Variants in HTR7 observed in about 807,000 individuals in gnomAD.
HTR7 encodes 5-hydroxytryptamine receptor 7.
In HTR7, 16 loss-of-function variants were observed where a neutral mutation model predicts 34.0. The observed-to-expected ratio is 0.47, with a 90% CI of 0.32 to 0.71. The LOEUF is 0.71. HTR7 is among the 30% of genes least tolerant of loss of function. The pLI is 0.04. For missense variants in HTR7, 504 were observed against 625.5 expected, an observed-to-expected ratio of 0.81 and a Z score of 2.07; for synonymous variants, 265 against 260.2, an observed-to-expected ratio of 1.02 and a Z score of -0.18.
At chr10:90,821,959 G>A (rs1252382840) in intron 1 of HTR7, among the ~76,000 whole-genome samples, 1 of 152,150 alleles carries the variant, frequency 6.6e-6, no homozygotes, top group African/African-American at 2.4e-5. Context: ...CTCCTGTACA[G>A]CCTTTGGAAC....
intron 1 of HTR7, among the ~76,000 whole-genome samples, chr10:90,788,366 G>C (rs1244518348): frequency 6.6e-6 from 1 of 152,104 alleles, no homozygotes; most frequent in African/African-American, 2.4e-5. Context: ...AGCTCTTCTG[G>C]AAAATCCATG....
At chr10:90,836,409 C>T (rs537453891) in intron 1 of HTR7, among the ~76,000 whole-genome samples, 4 of 152,218 alleles carry the variant, frequency 2.6e-5, no homozygotes, top group Non-Finnish European at 2.9e-5. Context: ...AGGTCAGTAT[C>T]GAACAATATT....
chr10:90,857,662 C>A lies in HTR7; in HGVS notation c.10G>T (p.Val4Phe). MMD[V>F]NSSGRPDLYG... is the part of the protein sequence containing the mutation. The stretch of plus-strand genomic sequence containing the variant: ...AGGTCCGGGCGGCCGCTGCTGTTAA[C>A]GTCCATCATCGCGCCGCCGTGTGCC... Residue 4 changes from valine to phenylalanine, a missense_variant, in exon 1 of 4, where the codon GTT (valine) becomes TTT (phenylalanine). By Grantham distance (50) the Val-to-Phe change is conservative. Transcript: ENST00000336152. The surrounding 1 kb of genome is among the most constrained non-coding windows in gnomAD (Gnocchi z 6.5). 2 of 1,573,174 alleles carry A rather than the reference C, an allele frequency of 1.3e-6. No individual in the cohort carries two copies. Among genetic ancestry groups the A allele is most frequent in the Non-Finnish European group, 1.7e-6 (2 of 1,167,484 alleles).
rs117415998 is a variant in HTR7, at chr10:90,782,377, A to G, written c.540-32783T>C. 3.6e-3 allele frequency among the ~76,000 whole-genome samples: 553 copies of G among 152,326 alleles called. 7 individuals carry two copies. The highest frequency in any genetic ancestry group is 0.013 in the East Asian group (67 of 5,186). ...TATGTAATAAGATTATAATAAGTTT[A>G]AGTAAAATAATCCATATTATATTTT... On this transcript the variant is annotated intron_variant, in intron 1 of 3. Transcript: ENST00000336152.
chr10:90,747,627 G>A (rs1844661151), intron 2 of HTR7, among the ~76,000 whole-genome samples: 1 of 152,164 alleles, frequency 6.6e-6, no homozygotes, highest in South Asian at 2.1e-4. Context: ...TGTGACACTA[G>A]CTAAGTGTGA....
chr10:90,749,411 A>C lies in HTR7; in HGVS notation c.723T>G (p.Ile241Met). The C allele has an allele frequency of 6.2e-7, 1 of 1,614,144 alleles. No homozygotes were observed. The highest frequency in any genetic ancestry group is 8.5e-7 in the Non-Finnish European group (1 of 1,180,016). The stretch of plus-strand genomic sequence containing the variant: ...TATAAAATGCCACTGCGGTAGAGTA[A>C]ATCGTATAGCCAAAGTCCTGGCTGA... ...CLISQDFGYTIYSTAVAFYIP... is the reference protein window; with the variant it reads ...CLISQDFGYTMYSTAVAFYIP... Residue 241 changes from isoleucine (I) to methionine (M), a missense_variant, in exon 2 of 4, where the codon ATT becomes ATG. Ile to Met is a conservative substitution (Grantham distance 10, BLOSUM62 1). This residue lies in a region of HTR7 where 154 missense variants were observed against 248.8 expected (regional missense o/e 0.62). Transcript: ENST00000336152. The surrounding 1 kb of genome is among the most constrained non-coding windows in gnomAD (Gnocchi z 4.2).
At chr10:90,782,321 G>A (rs755149982) in intron 1 of HTR7, among the ~76,000 whole-genome samples, 7 of 152,074 alleles carry the variant, frequency 4.6e-5, no homozygotes, top group Non-Finnish European at 8.8e-5. Context: ...CTTAATTATC[G>A]CACTTGTAAC....
chr10:90,828,755 A>C (rs948563829), intron 1 of HTR7, among the ~76,000 whole-genome samples: 1 of 152,168 alleles, frequency 6.6e-6, no homozygotes, highest in African/African-American at 2.4e-5. Flanking sequence ...GCTTCATTTC[A>C]CAAAACATTT....
chr10:90,771,352 C>T (rs1053807615), intron 1 of HTR7, among the ~76,000 whole-genome samples: 1 of 152,194 alleles, frequency 6.6e-6, no homozygotes, highest in Non-Finnish European at 1.5e-5. Flanking sequence ...CACCAAATGG[C>T]GAGGCTAAAA....
chr10:90,770,123 T>C (rs1845084383), intron 1 of HTR7, among the ~76,000 whole-genome samples: 2 of 152,354 alleles, frequency 1.3e-5, no homozygotes, highest in East Asian at 3.9e-4. Context: ...TGGCCCAGCA[T>C]GACCATTCTA....
At chr10:90,814,511 G>C (rs991548425) in intron 1 of HTR7, among the ~76,000 whole-genome samples, 1 of 152,192 alleles carries the variant, frequency 6.6e-6, no homozygotes, top group Non-Finnish European at 1.5e-5. Flanking sequence ...AGAGCATGGG[G>C]AAAAGCAAAA....
intron 1 of HTR7, among the ~76,000 whole-genome samples, chr10:90,772,523 C>T (rs758398071): frequency 6.6e-6 from 1 of 152,088 alleles, no homozygotes; most frequent in African/African-American, 2.4e-5. Context: ...CCTTGTAGTC[C>T]CTTTTCACAT....
intron 1 of HTR7, among the ~76,000 whole-genome samples, chr10:90,758,586 C>G (rs933162873): frequency 1.4e-4 from 22 of 151,916 alleles, no homozygotes; most frequent in African/African-American, 7.2e-5. Context: ...GTAAATAGAG[C>G]TGCAACATGT....
intron 1 of HTR7, among the ~76,000 whole-genome samples, chr10:90,853,761 A>G (rs1846536550): frequency 2.0e-5 from 3 of 152,186 alleles, no homozygotes; most frequent in Admixed American, 2.0e-4. Context: ...TGTGCATGCC[A>G]TTATATGTAA....
chr10:90,802,238 T>C (rs1845639022), intron 1 of HTR7, among the ~76,000 whole-genome samples: 2 of 152,232 alleles, frequency 1.3e-5, no homozygotes, highest in African/African-American at 4.8e-5. Flanking sequence ...TGGCATGATT[T>C]TTCAGGGTCA....
At chr10:90,828,018 C>T (rs1846107162) in intron 1 of HTR7, among the ~76,000 whole-genome samples, 1 of 152,216 alleles carries the variant, frequency 6.6e-6, no homozygotes. Context: ...AGTATCTTCT[C>T]TGACCACAAT....
intron 1 of HTR7, among the ~76,000 whole-genome samples, chr10:90,831,544 G>C: frequency 6.6e-6 from 1 of 152,188 alleles, no homozygotes; most frequent in South Asian, 2.1e-4. Context: ...AAAACACATT[G>C]CTTCCAAACT....
chr10:90,779,911 C>A (rs1482799240), intron 1 of HTR7, among the ~76,000 whole-genome samples: 1 of 152,164 alleles, frequency 6.6e-6, no homozygotes, highest in Non-Finnish European at 1.5e-5. Flanking sequence ...TAGGACACCC[C>A]ATCCCCAACC....
chr10:90,747,683 A>G (rs1844661848), intron 2 of HTR7, among the ~76,000 whole-genome samples: 1 of 152,182 alleles, frequency 6.6e-6, no homozygotes, highest in Non-Finnish European at 1.5e-5. Flanking sequence ...GTTGAAAGAC[A>G]GGGGTGGACA....
Sources: gnomAD v4.1 joint callset for allele counts (sites outside exome capture counted in the v4.1 genomes callset) on GRCh38, gnomAD v4.1.1 for gene constraint, gnomAD v4.1.1 regional missense constraint, Gnocchi (gnomAD v3.1) non-coding constraint, MANE v1.5 for transcripts, NCBI Gene and HGNC (gene_info 2026-07-23, HGNC 2026-07-21) for gene names.